Variants in MACROD2 observed in about 807,000 individuals in gnomAD.
MACROD2 encodes the protein mono-ADP ribosylhydrolase 2.
MACROD2 carries 36 observed loss-of-function variants against 70.4 expected under a neutral mutation model. That is an observed-to-expected ratio of 0.51 (90% CI 0.39 to 0.68). The LOEUF (loss-of-function observed/expected upper bound fraction) is 0.68. Ranked by LOEUF, MACROD2 falls within the 30% of genes least tolerant of loss-of-function variation. MACROD2 has a pLI of 0.00. For missense variants in MACROD2, 496 were observed against 538.4 expected (o/e 0.92, Z 0.78); for synonymous variants, 172 against 178.8 (o/e 0.96, Z 0.30).
At chr20:14,134,207 A>G (rs1234694980) in intron 3 of MACROD2, among the ~76,000 whole-genome samples, 1 of 152,282 alleles carries the variant, frequency 6.6e-6, no homozygotes, top group Non-Finnish European at 1.5e-5. Flanking sequence ...CAGCTTATTT[A>G]TGATCTTATC....
intron 4 of MACROD2, among the ~76,000 whole-genome samples, chr20:14,545,367 T>C (rs2085480644): frequency 6.6e-6 from 1 of 152,158 alleles, no homozygotes; most frequent in Non-Finnish European, 1.5e-5. Context: ...TGTGTGCATT[T>C]AGCTAGCAGC....
intron 5 of MACROD2, among the ~76,000 whole-genome samples, chr20:14,876,183 G>A (rs2073548582): frequency 6.6e-6 from 1 of 152,064 alleles, no homozygotes; most frequent in African/African-American, 2.4e-5. Context: ...GTGTGAAATG[G>A]TATCTCACTG....
At chr20:14,107,296 C>T (rs1055027852) in intron 3 of MACROD2, among the ~76,000 whole-genome samples, 3 of 152,008 alleles carry the variant, frequency 2.0e-5, no homozygotes, top group Admixed American at 1.3e-4. Flanking sequence ...AGAATTGATC[C>T]AGCAGAAGAA....
chr20:15,331,797 T>C (rs2077995416), intron 6 of MACROD2, among the ~76,000 whole-genome samples: 1 of 151,582 alleles, frequency 6.6e-6, no homozygotes, highest in Non-Finnish European at 1.5e-5. Context: ...TGTATGCATA[T>C]ATGCAAACAT....
chr20:14,710,021 A>G (rs1271192897), intron 5 of MACROD2, among the ~76,000 whole-genome samples: 1 of 152,214 alleles, frequency 6.6e-6, no homozygotes, highest in African/African-American at 2.4e-5. Flanking sequence ...TCCATGCAAA[A>G]TAGAAATAGC....
intron 5 of MACROD2, among the ~76,000 whole-genome samples, chr20:15,126,551 C>T (rs1205177270): frequency 2.6e-5 from 4 of 151,978 alleles, no homozygotes; most frequent in Non-Finnish European, 5.9e-5. Context: ...AAATATTGAG[C>T]ACTATTTAAA....
At chr20:15,844,315 G>A (rs1282438328) in intron 8 of MACROD2, among the ~76,000 whole-genome samples, 3 of 152,006 alleles carry the variant, frequency 2.0e-5, no homozygotes, top group Non-Finnish European at 4.4e-5. Context: ...ATCCAGGTGG[G>A]AAATGACGAA....
chr20:15,657,243 G>A (rs1175854503), intron 8 of MACROD2, among the ~76,000 whole-genome samples: 2 of 152,110 alleles, frequency 1.3e-5, no homozygotes, highest in South Asian at 2.1e-4. Flanking sequence ...CTAATAATCC[G>A]TCAAATAGGA....
chr20:14,125,537 C>T (rs1029229246), intron 3 of MACROD2, among the ~76,000 whole-genome samples: 3 of 151,992 alleles, frequency 2.0e-5, no homozygotes, highest in African/African-American at 7.2e-5. Flanking sequence ...CATAATTGTA[C>T]CACTCAGAAC....
At chr20:14,314,131 C>T (rs376193729) in intron 3 of MACROD2, among the ~76,000 whole-genome samples, 1 of 152,174 alleles carries the variant, frequency 6.6e-6, no homozygotes, top group African/African-American at 2.4e-5. Flanking sequence ...TCAAAGAAGA[C>T]TTCTTTACCA....
chr20:15,102,941 A>G (rs2075884192), intron 5 of MACROD2, among the ~76,000 whole-genome samples: 1 of 152,124 alleles, frequency 6.6e-6, no homozygotes, highest in African/African-American at 2.4e-5. Context: ...AAGTTGACCA[A>G]ACTATTTACA....
intron 7 of MACROD2, among the ~76,000 whole-genome samples, chr20:15,449,675 T>C (rs1231710625): frequency 1.3e-5 from 2 of 152,174 alleles, no homozygotes; most frequent in Non-Finnish European, 2.9e-5. Flanking sequence ...CCCAGGTTTC[T>C]TCTAGTGATC....
chr20:15,109,244 A>G (rs909890897), intron 5 of MACROD2, among the ~76,000 whole-genome samples: 2 of 152,212 alleles, frequency 1.3e-5, no homozygotes, highest in East Asian at 3.8e-4. Context: ...AAAGTGATAG[A>G]TTCCTGGATG....
At chr20:14,845,357 T>C (rs1568829282) in intron 5 of MACROD2, among the ~76,000 whole-genome samples, 1 of 152,096 alleles carries the variant, frequency 6.6e-6, no homozygotes, top group East Asian at 1.9e-4. Context: ...CAATGATATG[T>C]TCTTCTGATG....
intron 5 of MACROD2, among the ~76,000 whole-genome samples, chr20:14,863,221 A>C (rs2073391474): frequency 6.6e-6 from 1 of 152,118 alleles, no homozygotes; most frequent in Non-Finnish European, 1.5e-5. Context: ...CATAAACTGC[A>C]CTTGCAGTTT....
intron 9 of MACROD2, among the ~76,000 whole-genome samples, chr20:15,881,642 G>A (rs187480255): frequency 1.3e-5 from 2 of 152,190 alleles, no homozygotes; most frequent in East Asian, 3.9e-4. Flanking sequence ...GTTTAAATGT[G>A]CCTACGTCTT....
At chr20:15,136,719 A>C (rs2076150921) in intron 5 of MACROD2, among the ~76,000 whole-genome samples, 1 of 151,992 alleles carries the variant, frequency 6.6e-6, no homozygotes. Context: ...AATGGGATCT[A>C]ATTAAACTAA....
intron 12 of MACROD2, among the ~76,000 whole-genome samples, chr20:15,966,139 CAG>C (rs1325350048): frequency 6.6e-5 from 10 of 152,138 alleles, no homozygotes; most frequent in Non-Finnish European, 8.8e-5. Flanking sequence ...TGGAGAGAAA[CAG>C]AGGGAGAAAT....
intron 5 of MACROD2, among the ~76,000 whole-genome samples, chr20:15,063,909 TC>T (rs2075553662): frequency 6.6e-6 from 1 of 152,184 alleles, no homozygotes; most frequent in South Asian, 2.1e-4. Context: ...TAATCCATAA[TC>T]TGTAGCCATG....
Sources: gnomAD v4.1 joint callset for allele counts (sites outside exome capture counted in the v4.1 genomes callset) on GRCh38, gnomAD v4.1.1 for gene constraint, MANE v1.5 for transcripts, NCBI Gene and HGNC (gene_info 2026-07-23, HGNC 2026-07-21) for gene names.